TRAPPC9: variants seen among roughly 807,000 people sequenced by gnomAD.
TRAPPC9 encodes trafficking protein particle complex subunit 9.
Under a neutral mutation model 124.0 loss-of-function variants are expected in TRAPPC9, and 83 were observed. The ratio of observed to expected loss-of-function variants is 0.67; its 90% confidence interval spans 0.56 to 0.80. The LOEUF (loss-of-function observed/expected upper bound fraction) is 0.80. TRAPPC9 is among the 30% of genes least tolerant of loss of function. TRAPPC9 has a pLI of 0.00. For synonymous variants in TRAPPC9, 638 were observed against 617.5 expected, an observed-to-expected ratio of 1.03 and a Z score of -0.49; for missense variants, 1,302 against 1,508.3, an observed-to-expected ratio of 0.86 and a Z score of 2.27.
At chr8:140,455,128 A>G (rs1047418309) in intron 1 of TRAPPC9, among the ~76,000 whole-genome samples, 1 of 152,156 alleles carries the variant, frequency 6.6e-6, no homozygotes, top group Non-Finnish European at 1.5e-5. Flanking sequence ...GAATGTACAT[A>G]GCAGTATTAT....
At chr8:139,868,469 C>G (rs769343277) in intron 21 of TRAPPC9, among the ~76,000 whole-genome samples, 1 of 152,182 alleles carries the variant, frequency 6.6e-6, no homozygotes, top group African/African-American at 2.4e-5. Flanking sequence ...CTTAAAGGAG[C>G]GTGCTGCAGT....
At chr8:139,847,210 C>A (rs1254867387) in intron 21 of TRAPPC9, among the ~76,000 whole-genome samples, 3 of 152,216 alleles carry the variant, frequency 2.0e-5, no homozygotes, top group African/African-American at 7.2e-5. Context: ...CTTTTGCCAG[C>A]AGAGCTGAAT....
At chr8:139,989,854 G>A (rs536951778) in intron 18 of TRAPPC9, among the ~76,000 whole-genome samples, 7 of 152,284 alleles carry the variant, frequency 4.6e-5, no homozygotes, top group South Asian at 2.1e-4. Context: ...AATGCTTGCC[G>A]AAAACTCATA....
intron 17 of TRAPPC9, among the ~76,000 whole-genome samples, chr8:140,051,026 G>T (rs756433740): frequency 2.6e-5 from 4 of 152,194 alleles, no homozygotes; most frequent in Non-Finnish European, 5.9e-5. Flanking sequence ...ACACAATCTC[G>T]TACAGAGAGG....
intron 19 of TRAPPC9, among the ~76,000 whole-genome samples, chr8:139,917,391 C>T (rs373392808): frequency 4.6e-5 from 7 of 151,714 alleles, no homozygotes; most frequent in South Asian, 2.1e-4. Flanking sequence ...TGTGTTAGCC[C>T]GGATGGTCTC....
At chr8:140,121,748 G>A (rs551643799) in intron 17 of TRAPPC9, among the ~76,000 whole-genome samples, 1 of 152,258 alleles carries the variant, frequency 6.6e-6, no homozygotes, top group African/African-American at 2.4e-5. Flanking sequence ...CTTATTAAAG[G>A]GCTCCTCTGG....
chr8:140,250,389 A>C (rs878857403), intron 16 of TRAPPC9, among the ~76,000 whole-genome samples: 1 of 152,194 alleles, frequency 6.6e-6, no homozygotes, highest in Admixed American at 6.5e-5. Context: ...TAACTTCAGT[A>C]ACCATAATTA....
At chr8:140,458,275 G>T (rs376367358), upstream of TRAPPC9, 2 of 1,553,186 alleles carry the variant, frequency 1.3e-6, no homozygotes, top group Non-Finnish European at 1.7e-6. Flanking sequence ...TGTCCCCGCC[G>T]CTTACCAGTC....
At chr8:140,397,978 A>C (rs2069144590) in intron 6 of TRAPPC9, among the ~76,000 whole-genome samples, 1 of 152,232 alleles carries the variant, frequency 6.6e-6, no homozygotes. Flanking sequence ...TCACTGAATC[A>C]TGGGGGTGGT....
intron 21 of TRAPPC9, among the ~76,000 whole-genome samples, chr8:139,760,785 C>G (rs1222030820): frequency 6.6e-6 from 1 of 152,194 alleles, no homozygotes; most frequent in Non-Finnish European, 1.5e-5. Flanking sequence ...TTTTTAAAAC[C>G]ATTAGATCTT....
intron 5 of TRAPPC9, among the ~76,000 whole-genome samples, chr8:140,419,358 G>A (rs1173757590): frequency 2.1e-5 from 3 of 146,016 alleles, no homozygotes; most frequent in African/African-American, 7.5e-5. Context: ...GAACCTCGGA[G>A]GTGGAGCTTG....
At position 139,960,618 on chromosome 8, in the gene TRAPPC9, G is replaced by T. The variant is rs994335677; in HGVS notation, c.2810+28108C>A. Among the ~76,000 whole-genome samples the T allele has an allele frequency of 2.3e-5, 3 of 127,936 alleles. 1 individual carries two copies. The highest frequency in any genetic ancestry group is 5.6e-5 in the Non-Finnish European group (3 of 53,124). 83.9% of individuals were successfully genotyped at this position (127,936 alleles called of 152,430 possible). ...ACAGGTGACCCAGCTGTCAAGTCTG[G>T]ACTCTGCCTCTCGCCAGCTGTAGGC... On this transcript the variant is annotated intron_variant, in intron 19 of 22. Coordinates refer to ENST00000438773, the MANE Select transcript of TRAPPC9 (RefSeq NM_001160372.4).
chr8:140,428,252 T>C lies in TRAPPC9; in HGVS notation c.860-1611A>G, dbSNP rs796563460. 3.3e-5 allele frequency among the ~76,000 whole-genome samples: 5 copies of C among 152,316 alleles called. No homozygotes were observed. In the South Asian group the frequency reaches 1.0e-3, roughly 32 times the overall value. On this transcript the variant is annotated intron_variant, in intron 4 of 22. Transcript: ENST00000438773. ...CATTTGACTATTAGTATCATCAGCC[T>C]CTAGTGGACTGATTTCACATTAACC...
In TRAPPC9 at chr8:140,215,640, C is replaced by T. The variant is rs1181427410; in HGVS notation, c.2556+5819G>A. Among the ~76,000 whole-genome samples the T allele has an allele frequency of 2.1e-5, 3 of 142,650 alleles. No individual in the cohort carries two copies. In the East Asian group the frequency reaches 7.0e-4, roughly 33 times the overall value. The allele number at this position is 142,650 out of a possible 152,430, so 93.6% of individuals were successfully genotyped here. Reference sequence around the variant, plus strand: ...CAGCCTGAGCGACAGAGCAAAACTCCATCTCCGAAAAAAAAAAAAAGGAAA... The same window carrying T: ...CAGCCTGAGCGACAGAGCAAAACTCTATCTCCGAAAAAAAAAAAAAGGAAA... On this transcript the variant is annotated intron_variant, in intron 17 of 22. Coordinates refer to ENST00000438773, the MANE Select transcript of TRAPPC9 (RefSeq NM_001160372.4).
chr8:140,009,334 T>C (rs1347436424), intron 18 of TRAPPC9, among the ~76,000 whole-genome samples: 1 of 152,240 alleles, frequency 6.6e-6, no homozygotes, highest in Non-Finnish European at 1.5e-5. Flanking sequence ...CCCAGCTTAC[T>C]ATGCTCATTT....
rs1421781427 is a variant in TRAPPC9 at position 140,104,083 on chromosome 8, C to A, written c.2557-80004G>T. Among the ~76,000 whole-genome samples the A allele has an allele frequency of 6.6e-6, 1 of 152,234 alleles. No individual in the cohort carries two copies. Among genetic ancestry groups the A allele is most frequent in the African/African-American group, 2.4e-5 (1 of 41,458 alleles). ...ATTCATTCACTCAGCAGTTACTTAG[C>A]ACTTATCCTGGGTACCAAGCATTGT... On this transcript the variant is annotated intron_variant, in intron 17 of 22. Transcript: ENST00000438773. The surrounding 1 kb of genome is among the most constrained non-coding windows in gnomAD (Gnocchi z 4.0).
At chr8:140,214,617 C>G (rs905128155) in intron 17 of TRAPPC9, among the ~76,000 whole-genome samples, 1 of 152,186 alleles carries the variant, frequency 6.6e-6, no homozygotes, top group Non-Finnish European at 1.5e-5. Context: ...GAAGCATTGT[C>G]GTTCAATTTT....
chr8:140,359,361 C>T (rs901905789), intron 9 of TRAPPC9, among the ~76,000 whole-genome samples: 1 of 152,156 alleles, frequency 6.6e-6, no homozygotes, highest in Non-Finnish European at 1.5e-5. Context: ...GGCAGCTGAG[C>T]CCCAAGCGCG....
intron 21 of TRAPPC9, among the ~76,000 whole-genome samples, chr8:139,873,455 CTG>C (rs920309919): frequency 6.6e-6 from 1 of 152,182 alleles, no homozygotes; most frequent in Non-Finnish European, 1.5e-5. Flanking sequence ...CTCCATCAGG[CTG>C]TGAGTGAGTG....
Sources: gnomAD v4.1 joint callset for allele counts (sites outside exome capture counted in the v4.1 genomes callset) on GRCh38, gnomAD v4.1.1 for gene constraint, Gnocchi (gnomAD v3.1) non-coding constraint, MANE v1.5 for transcripts, NCBI Gene and HGNC (gene_info 2026-07-23, HGNC 2026-07-21) for gene names.